Variants in ARID2 observed in about 807,000 individuals in gnomAD.
ARID2 encodes the protein AT-rich interaction domain 2, also known as AT-rich interactive domain-containing protein 2.
In ARID2, 32 loss-of-function variants were observed where a neutral mutation model predicts 184.6. That is an observed-to-expected ratio of 0.17 (90% CI 0.13 to 0.23). The LOEUF is 0.23. ARID2 is among the 10% of genes least tolerant of loss of function. The pLI is 1.00. For missense variants in ARID2, 1,696 were observed against 2,197.6 expected (o/e 0.77, Z 4.56); for synonymous variants, 836 against 772.6 (o/e 1.08, Z -1.36).
intron 3 of ARID2, among the ~76,000 whole-genome samples, chr12:45,732,990 CTA>C (rs1941031336): frequency 6.6e-6 from 1 of 151,888 alleles, no homozygotes. Flanking sequence ...CTGTTTTTAA[CTA>C]TATAGTTTCA....
chr12:45,842,208 C>T (rs866811082), intron 11 of ARID2: 14 of 143,856 alleles, frequency 9.7e-5, no homozygotes, highest in African/African-American at 3.4e-4. Context: ...CCACCTTAGG[C>T]AGTAGAGCAA....
At chr12:45,749,241 C>T (rs937378730) in intron 3 of ARID2, among the ~76,000 whole-genome samples, 4 of 152,330 alleles carry the variant, frequency 2.6e-5, no homozygotes, top group African/African-American at 7.2e-5. Flanking sequence ...CATTCATCTC[C>T]TTGTACATCT....
intron 6 of ARID2, among the ~76,000 whole-genome samples, chr12:45,831,840 A>G (rs1435828356): frequency 6.6e-6 from 1 of 152,220 alleles, no homozygotes; most frequent in Non-Finnish European, 1.5e-5. Flanking sequence ...AGTTGCATAC[A>G]CATTTACAGT....
chr12:45,763,745 C>T (rs563322348), intron 3 of ARID2, among the ~76,000 whole-genome samples: 74 of 152,274 alleles, frequency 4.9e-4, no homozygotes, highest in African/African-American at 1.1e-3. Context: ...GCCACCTTGG[C>T]CTCCCAAAAT....
rs754878268 is a variant in ARID2, at chr12:45,837,492, T to C, written c.1121-6T>C. ...TCTTAGTAATACATATTTGTATGTT[T>C]TTCAGGCATGGAAATTTTGGGAAAT... On this transcript the variant is annotated splice_polypyrimidine_tract_variant and splice_region_variant and intron_variant, in intron 9 of 20. Transcript: ENST00000334344. 5.0e-6 allele frequency: 8 copies of C among 1,613,666 alleles called. No homozygotes were observed. In the African/African-American group the frequency reaches 1.1e-4, roughly 22 times the overall value.
At chr12:45,801,105 G>T (rs752985939) in intron 3 of ARID2, among the ~76,000 whole-genome samples, 31 of 152,134 alleles carry the variant, frequency 2.0e-4, no homozygotes, top group Non-Finnish European at 3.5e-4. Context: ...GAGGTCAGGA[G>T]ATCGAGACCA....
intron 3 of ARID2, among the ~76,000 whole-genome samples, chr12:45,734,428 G>A (rs1336967260): frequency 6.6e-6 from 1 of 152,104 alleles, no homozygotes; most frequent in Non-Finnish European, 1.5e-5. Context: ...CATCTGTGAT[G>A]TTTATGCACT....
intron 3 of ARID2, among the ~76,000 whole-genome samples, chr12:45,735,581 A>G: frequency 6.6e-6 from 1 of 151,972 alleles, no homozygotes; most frequent in East Asian, 1.9e-4. Flanking sequence ...TCAGCCTTCC[A>G]AAGTGCTCGG....
At chr12:45,837,166 T>C (rs539803947) in intron 8 of ARID2, among the ~76,000 whole-genome samples, 155 bp from the exon 9 acceptor site, 15 of 152,364 alleles carry the variant, frequency 9.8e-5, no homozygotes, top group Admixed American at 9.1e-4. Flanking sequence ...AAAAAGTATT[T>C]GAAATGATGC....
intron 20 of ARID2, among the ~76,000 whole-genome samples, chr12:45,901,154 ATTTTTTTTTTTTTTTTT>A (rs71067909): frequency 8.9e-4 from 40 of 44,962 alleles, no homozygotes; most frequent in East Asian, 1.8e-3. Flanking sequence ...AATTTCCTTA[ATTTTTTTTTTTTTTTTT>A]TTTTTTTTTT....
At chr12:45,750,216 AG>A (rs1941435638) in intron 3 of ARID2, among the ~76,000 whole-genome samples, 3 of 152,160 alleles carry the variant, frequency 2.0e-5, no homozygotes, top group Non-Finnish European at 2.9e-5. Context: ...CTCAGGGTAT[AG>A]GGATGCCCAA....
chr12:45,895,101 T>C (rs1386318454), intron 20 of ARID2, among the ~76,000 whole-genome samples: 1 of 152,244 alleles, frequency 6.6e-6, no homozygotes, highest in African/African-American at 2.4e-5. Context: ...TTCTCCTCTA[T>C]TTTTATAACA....
chr12:45,753,440 A>C (rs1941505941), intron 3 of ARID2, among the ~76,000 whole-genome samples: 1 of 152,214 alleles, frequency 6.6e-6, no homozygotes, highest in African/African-American at 2.4e-5. Flanking sequence ...TACTCTGCAC[A>C]GTTTCACCTG....
rs2138163446 is a variant in ARID2 at position 45,850,605 on chromosome 12, C to T, written c.2482C>T (p.Pro828Ser). 6.2e-7 allele frequency: 1 copy of T among 1,614,108 alleles called. No homozygotes were observed. The highest frequency in any genetic ancestry group is 1.1e-5 in the South Asian group (1 of 91,086). ...ACAGTTAATCACCACATCACCCCAA[C>T]CTGTGCAAACTTCATCTCAACAGAC... ...GQQLITTSPQ[P>S]VQTSSQQTSA... Residue 828 changes from proline to serine, a missense_variant, in exon 15 of 21, where the codon CCT becomes TCT. Physicochemically the swap from Pro to Ser is moderately conservative, Grantham distance 74. This residue lies in a region of ARID2 where 713 missense variants were observed against 824.4 expected (regional missense o/e 0.86). Transcript: ENST00000334344.
At chr12:45,760,816 G>A (rs1210943931) in intron 3 of ARID2, among the ~76,000 whole-genome samples, 2 of 150,660 alleles carry the variant, frequency 1.3e-5, no homozygotes, top group East Asian at 3.9e-4. Flanking sequence ...GCTGGATCCT[G>A]GTTTTATTTA....
chr12:45,775,168 T>C (rs1219368684), intron 3 of ARID2, among the ~76,000 whole-genome samples: 1 of 152,198 alleles, frequency 6.6e-6, no homozygotes, highest in East Asian at 1.9e-4. Context: ...AAAATGATGC[T>C]TTCTTTTAGT....
At chr12:45,889,032 A>G (rs1035586702) in intron 16 of ARID2, among the ~76,000 whole-genome samples, 1 of 152,238 alleles carries the variant, frequency 6.6e-6, no homozygotes. Flanking sequence ...TACTAAAAAA[A>G]TACAAAAATT....
At chr12:45,808,734 TGC>T (rs1411006846) in intron 3 of ARID2, among the ~76,000 whole-genome samples, 5 of 144,588 alleles carry the variant, frequency 3.5e-5, no homozygotes, top group Non-Finnish European at 6.2e-5. Flanking sequence ...TGTGTTTGCG[TGC>T]GTGTGTGTGT....
chr12:45,747,863 A>G (rs747689459), intron 3 of ARID2, among the ~76,000 whole-genome samples: 8 of 152,326 alleles, frequency 5.3e-5, no homozygotes, highest in Middle Eastern at 3.4e-3. Flanking sequence ...AAGCTACAAT[A>G]TGAGACTAGA....
Sources: gnomAD v4.1 joint callset for allele counts (sites outside exome capture counted in the v4.1 genomes callset) on GRCh38, gnomAD v4.1.1 for gene constraint, gnomAD v4.1.1 regional missense constraint, MANE v1.5 for transcripts, NCBI Gene and HGNC (gene_info 2026-07-23, HGNC 2026-07-21) for gene names.